The following VWC2 variants were observed in gnomAD, a reference collection of about 807,000 sequenced individuals.
VWC2 encodes brorin.
A neutral mutation model predicts 29.8 loss-of-function variants in VWC2; 14 were observed. The observed-to-expected ratio is 0.47, with a 90% CI of 0.31 to 0.74. The LOEUF (loss-of-function observed/expected upper bound fraction) is 0.74, where lower values mean the gene tolerates loss of function less well. Ranked by LOEUF, VWC2 falls within the 30% of genes least tolerant of loss-of-function variation. The probability of loss-of-function intolerance (pLI) is 0.05; values close to 1 mark genes in which losing one functional copy is unlikely to be tolerated. For synonymous variants in VWC2, 213 were observed against 199.0 expected (o/e 1.07, Z -0.59); for missense variants, 457 against 459.8 (o/e 0.99, Z 0.05).
intron 3 of VWC2, among the ~76,000 whole-genome samples, chr7:49,904,720 A>G (rs935976262): frequency 6.7e-6 from 1 of 149,740 alleles, no homozygotes; most frequent in Non-Finnish European, 1.5e-5. Context: ...AAAAAATAGC[A>G]ACATAGCATA....
chr7:49,794,216 C>T (rs184954774), intron 2 of VWC2, among the ~76,000 whole-genome samples: 192 of 152,334 alleles, frequency 1.3e-3, no homozygotes, highest in Non-Finnish European at 1.7e-3. Flanking sequence ...TTCCCCTTCT[C>T]TTGGCCAAGA....
At chr7:49,808,635 G>T (rs1416296634) in intron 3 of VWC2, among the ~76,000 whole-genome samples, 1 of 151,984 alleles carries the variant, frequency 6.6e-6, no homozygotes, top group Non-Finnish European at 1.5e-5. Flanking sequence ...CATAAAACAA[G>T]TCTCAATAAA....
intron 3 of VWC2, among the ~76,000 whole-genome samples, chr7:49,842,301 G>A (rs879555255): frequency 6.6e-6 from 1 of 152,040 alleles, no homozygotes; most frequent in Non-Finnish European, 1.5e-5. Context: ...TTATCATTCA[G>A]GAAATAAAAA....
intron 3 of VWC2, chr7:49,850,555 G>A (rs17632820): frequency 0.032 from 4,913 of 152,310 alleles, 306 homozygotes; most frequent in Admixed American, 0.16. Context: ...GTGCATGCAT[G>A]AACTCACAAG....
Position 49,777,832 on chromosome 7 carries a change from G to C in VWC2, c.696+1701G>C, listed in dbSNP as rs555776443. ...GTGGGTGCTAGAAGAGCTCAGAGGA[G>C]GGGCCTTCCATTTTGGCCTGGAGCA... On this transcript the variant is annotated intron_variant, in intron 2 of 3. Transcript: ENST00000340652. Among the ~76,000 whole-genome samples, 6 of 152,268 alleles carry C rather than the reference G, an allele frequency of 3.9e-5. No individual in the cohort carries two copies. The South Asian group carries it at 1.0e-3, about 26-fold the overall frequency.
Position 49,916,987 on chromosome 7 carries a change from T to C in VWC2, c.*4802T>C, listed in dbSNP as rs1793758239. The C allele has an allele frequency of 6.6e-6, 1 of 152,242 alleles. No individual in the cohort carries two copies. The highest frequency in any genetic ancestry group is 1.5e-5 in the Non-Finnish European group (1 of 68,042). The allele number at this position is 152,242 out of a possible 1,614,324, so 9.4% of individuals were successfully genotyped here. On this transcript the variant is annotated 3_prime_UTR_variant, in exon 4 of 4. Coordinates refer to ENST00000340652, the MANE Select transcript of VWC2 (RefSeq NM_198570.5). ...GTATTGAAGAGACACTGGCCCTTTA[T>C]GATAAAGGAAGTCAAGTTTACAGTT...
intron 3 of VWC2, among the ~76,000 whole-genome samples, chr7:49,862,768 T>C (rs1456345287): frequency 6.6e-6 from 1 of 152,118 alleles, no homozygotes; most frequent in Non-Finnish European, 1.5e-5. Context: ...TGTTGTATTA[T>C]GTCCATTAAT....
intron 2 of VWC2, among the ~76,000 whole-genome samples, chr7:49,777,143 C>G (rs1406216348): frequency 6.6e-6 from 1 of 152,198 alleles, no homozygotes; most frequent in Non-Finnish European, 1.5e-5. Flanking sequence ...GTAGGTTCAA[C>G]CTATGGCCTG....
rs377443879 is a variant in VWC2 at position 49,806,719 on chromosome 7, G to GGT, written c.826+3894_826+3895dup. On this transcript the variant is annotated intron_variant, in intron 3 of 3. Coordinates refer to ENST00000340652, the MANE Select transcript of VWC2 (RefSeq NM_198570.5). The stretch of plus-strand genomic sequence containing the variant: ...TGCAGTGGGTTAGACAAAACGGAAT[G>GGT]GTGTGTGTGTGTGTGTTTGTGTGTG... 5.3e-4 allele frequency among the ~76,000 whole-genome samples: 80 copies of GGT among 150,988 alleles called. 1 individual carries two copies. The highest frequency in any genetic ancestry group is 1.0e-3 in the African/African-American group (42 of 41,240).
At chr7:49,777,117 T>C (rs1788071212) in intron 2 of VWC2, among the ~76,000 whole-genome samples, 2 of 152,196 alleles carry the variant, frequency 1.3e-5, no homozygotes. Context: ...TGTTCAGTTA[T>C]TCCAAACACC....
chr7:49,867,011 G>A (rs138075406), intron 3 of VWC2, among the ~76,000 whole-genome samples: 120 of 152,232 alleles, frequency 7.9e-4, no homozygotes, highest in African/African-American at 2.7e-3. Flanking sequence ...AACTACAGCC[G>A]GGATAATTCA....
intron 2 of VWC2, among the ~76,000 whole-genome samples, chr7:49,790,714 T>A (rs1378901219): frequency 6.6e-6 from 1 of 151,804 alleles, no homozygotes; most frequent in Non-Finnish European, 1.5e-5. Context: ...GGTCGGGGAC[T>A]CAGGCTGCAG....
chr7:49,910,918 G>A (rs548749945), intron 3 of VWC2, among the ~76,000 whole-genome samples: 3 of 152,270 alleles, frequency 2.0e-5, no homozygotes, highest in South Asian at 2.1e-4. Context: ...TCTGCAAACA[G>A]TGTTTTCAAC....
intron 3 of VWC2, among the ~76,000 whole-genome samples, chr7:49,852,537 C>T (rs577077446): frequency 4.6e-5 from 7 of 151,858 alleles, no homozygotes; most frequent in African/African-American, 1.5e-4. Flanking sequence ...GCAGAAGGGC[C>T]GAAGATCATA....
At chr7:49,824,070 AATG>A (rs1166959095) in intron 3 of VWC2, among the ~76,000 whole-genome samples, 10 of 152,122 alleles carry the variant, frequency 6.6e-5, no homozygotes, top group African/African-American at 2.4e-4. Context: ...TTTCATTTTT[AATG>A]ATATCTTTTA....
intron 3 of VWC2, among the ~76,000 whole-genome samples, chr7:49,908,272 C>T (rs921171801): frequency 6.6e-6 from 1 of 152,088 alleles, no homozygotes; most frequent in South Asian, 2.1e-4. Context: ...ATGTCCAACG[C>T]CTACATTTCA....
chr7:49,871,190 A>C (rs945019902), intron 3 of VWC2, among the ~76,000 whole-genome samples: 2 of 152,190 alleles, frequency 1.3e-5, no homozygotes, highest in African/African-American at 4.8e-5. Flanking sequence ...ATAAAAACGA[A>C]TAATAATATC....
intron 3 of VWC2, among the ~76,000 whole-genome samples, chr7:49,825,756 C>G (rs1789376533): frequency 6.6e-6 from 1 of 152,172 alleles, no homozygotes; most frequent in South Asian, 2.1e-4. Flanking sequence ...ACAATCAAAA[C>G]AGCAACAAGA....
intron 3 of VWC2, chr7:49,901,334 A>T (rs763014520): frequency 6.6e-6 from 1 of 151,880 alleles, no homozygotes; most frequent in Non-Finnish European, 1.5e-5. Flanking sequence ...AATCAAGAAA[A>T]AAAACTTCAG....
Sources: gnomAD v4.1 joint callset for allele counts (sites outside exome capture counted in the v4.1 genomes callset) on GRCh38, gnomAD v4.1.1 for gene constraint, MANE v1.5 for transcripts, NCBI Gene and HGNC (gene_info 2026-07-23, HGNC 2026-07-21) for gene names.